TBL1X: variants seen among roughly 807,000 people sequenced by gnomAD.
The protein encoded by TBL1X is transducin beta like 1 X-linked.
Under a neutral mutation model 50.7 loss-of-function variants are expected in TBL1X, and 10 were observed. That is an observed-to-expected ratio of 0.20 (90% CI 0.12 to 0.33). The LOEUF (loss-of-function observed/expected upper bound fraction) is 0.33. Ranked by LOEUF, TBL1X falls within the 10% of genes least tolerant of loss-of-function variation. The pLI is 1.00. For synonymous variants in TBL1X, 190 were observed against 214.7 expected (o/e 0.88, Z 1.01); for missense variants, 340 against 504.4 (o/e 0.67, Z 3.12).
At chrX:9,468,125 G>A (rs968426213) in intron 1 of TBL1X, among the ~76,000 whole-genome samples, 2 of 112,399 alleles carry the variant, frequency 1.8e-5, no homozygotes, top group Admixed American at 9.4e-5. Context: ...AATATGTTGA[G>A]TTTTCAGAGG....
At chrX:9,570,048 C>T (rs1257638203) in intron 2 of TBL1X, among the ~76,000 whole-genome samples, 1 of 111,888 alleles carries the variant, frequency 8.9e-6, no homozygotes, top group African/African-American at 3.3e-5. Flanking sequence ...GTTTCACAGG[C>T]GCCTTCCAAA....
intron 1 of TBL1X, among the ~76,000 whole-genome samples, chrX:9,482,367 C>G (rs1051177614): frequency 3.6e-5 from 4 of 111,908 alleles, no homozygotes; most frequent in African/African-American, 1.3e-4. Flanking sequence ...ATGCCTCTTA[C>G]AGAAGCTTAG....
chrX:9,694,475 A>G (rs1372551674), intron 11 of TBL1X, among the ~76,000 whole-genome samples: 1 of 111,176 alleles, frequency 9.0e-6, no homozygotes, highest in African/African-American at 3.3e-5. Context: ...GGTGCCTGTA[A>G]TCCCAGCTAC....
chrX:9,577,914 G>A (rs1395465745), intron 2 of TBL1X, among the ~76,000 whole-genome samples: 2 of 112,391 alleles, frequency 1.8e-5, no homozygotes, highest in East Asian at 2.8e-4. Context: ...GAGTCAAGAC[G>A]GTGACACAGA....
At chrX:9,569,382 G>A (rs1601764791) in intron 2 of TBL1X, among the ~76,000 whole-genome samples, 2 of 109,792 alleles carry the variant, frequency 1.8e-5, no homozygotes, top group Admixed American at 9.7e-5. Context: ...GTGTGTGCAC[G>A]TGTGTGGTGT....
intron 2 of TBL1X, among the ~76,000 whole-genome samples, chrX:9,555,515 G>A (rs1403047990): frequency 2.7e-5 from 3 of 111,781 alleles, no homozygotes; most frequent in Non-Finnish European, 5.6e-5. Context: ...CTCGTGTACA[G>A]GTGTTTACAT....
At chrX:9,488,815 G>A (rs778161020) in intron 1 of TBL1X, among the ~76,000 whole-genome samples, 65 of 111,105 alleles carry the variant, frequency 5.9e-4, no homozygotes, top group African/African-American at 2.1e-3. Context: ...GAGCCATTTG[G>A]TTTGTATTGC....
chrX:9,550,206 G>T (rs2082264161), intron 2 of TBL1X, among the ~76,000 whole-genome samples: 2 of 110,720 alleles, frequency 1.8e-5, no homozygotes, highest in South Asian at 3.8e-4. Context: ...TTAATTGGGG[G>T]TGTAGGGGGT....
At chrX:9,587,974 T>C (rs1322873245) in intron 2 of TBL1X, among the ~76,000 whole-genome samples, 1 of 111,953 alleles carries the variant, frequency 8.9e-6, no homozygotes, top group East Asian at 2.8e-4. Context: ...CAGACATTCC[T>C]TTCTGTTACA....
intron 2 of TBL1X, among the ~76,000 whole-genome samples, chrX:9,604,712 G>A (rs1004528451): frequency 9.9e-5 from 11 of 110,927 alleles, no homozygotes; most frequent in Admixed American, 7.6e-4. Context: ...TTGGCCGAGC[G>A]CCGCTGGCCT....
chrX:9,537,376 C>G (rs985914882), intron 2 of TBL1X, among the ~76,000 whole-genome samples: 2 of 109,526 alleles, frequency 1.8e-5, no homozygotes, highest in Non-Finnish European at 3.8e-5. Flanking sequence ...GTACACTGTT[C>G]AACAGCATTA....
chrX:9,474,912 C>CGCCTAGGCTAGAGTGTAGT (rs1569201117), intron 1 of TBL1X, among the ~76,000 whole-genome samples: 3 of 112,516 alleles, frequency 2.7e-5, no homozygotes, highest in Non-Finnish European at 5.6e-5. Flanking sequence ...CTCACTCTGT[C>CGCCTAGGCTAGAGTGTAGT]GCCTAGGCTA....
At chrX:9,473,949 G>T (rs1346823725) in intron 1 of TBL1X, among the ~76,000 whole-genome samples, 1 of 112,534 alleles carries the variant, frequency 8.9e-6, no homozygotes, top group East Asian at 2.8e-4. Flanking sequence ...GTCACGGGAT[G>T]CTCTGTTAAA....
chrX:9,628,902 A>G (rs1295780724), intron 2 of TBL1X, among the ~76,000 whole-genome samples: 1 of 112,037 alleles, frequency 8.9e-6, no homozygotes, highest in Non-Finnish European at 1.9e-5. Flanking sequence ...GCATCAGCTT[A>G]ACAGAAAGTG....
intron 2 of TBL1X, among the ~76,000 whole-genome samples, chrX:9,508,756 CA>C (rs1010082084): frequency 8.9e-6 from 1 of 111,734 alleles, no homozygotes; most frequent in African/African-American, 3.3e-5. Flanking sequence ...ACTATGCAGC[CA>C]TAAAAAGGAA....
At chrX:9,706,718 A>G (rs190176692) in intron 13 of TBL1X, among the ~76,000 whole-genome samples, 49 of 111,406 alleles carry the variant, frequency 4.4e-4, no homozygotes, top group Non-Finnish European at 7.9e-4. Flanking sequence ...TGCAATCTCC[A>G]GTCTGCTGGT....
At position 9,701,728 on chromosome X, in the gene TBL1X, C is replaced by T. The variant is rs186336758; in HGVS notation, c.1115-3265C>T. On this transcript the variant is annotated intron_variant, in intron 12 of 17. Transcript: ENST00000645353. ...GATGGAGGAGTCATCAGATGCTGGT[C>T]GCCATCTCTTGGACCGCTCACCAGA... Among the ~76,000 whole-genome samples, 94 of 111,178 alleles carry T rather than the reference C, an allele frequency of 8.5e-4. 1 individual carries two copies. The highest frequency in any genetic ancestry group is 2.8e-3 in the African/African-American group (87 of 30,563).
At chrX:9,706,992 C>T (rs1320327890) in intron 13 of TBL1X, among the ~76,000 whole-genome samples, 2 of 111,889 alleles carry the variant, frequency 1.8e-5, no homozygotes, top group Non-Finnish European at 3.8e-5. Context: ...TGCCACAGCC[C>T]TGGCAGTAGC....
At chrX:9,479,030 T>C (rs1330245461) in intron 1 of TBL1X, among the ~76,000 whole-genome samples, 2 of 113,000 alleles carry the variant, frequency 1.8e-5, no homozygotes, top group African/African-American at 6.4e-5. Context: ...AAAGCTGATA[T>C]GTGTACAGAT....
Sources: allele counts gnomAD v4.1 joint callset (sites outside exome capture counted in the v4.1 genomes callset), GRCh38; gene constraint gnomAD v4.1.1; transcripts MANE v1.5; gene names NCBI Gene and HGNC (gene_info 2026-07-23, HGNC 2026-07-21).